The following AP2B1 variants were observed in gnomAD, a reference collection of about 807,000 sequenced individuals.
AP2B1 encodes adaptor related protein complex 2 subunit beta 1, also known as AP-2 complex subunit beta.
AP2B1 carries 23 observed loss-of-function variants against 102.0 expected under a neutral mutation model. The ratio of observed to expected loss-of-function variants is 0.23; its 90% confidence interval spans 0.16 to 0.32. The LOEUF is 0.32. AP2B1 is among the 10% of genes least tolerant of loss of function. The pLI is 1.00. For synonymous variants in AP2B1, 381 were observed against 421.2 expected, an observed-to-expected ratio of 0.90 and a Z score of 1.17; for missense variants, 541 against 1,157.4, an observed-to-expected ratio of 0.47 and a Z score of 7.73.
At chr17:35,639,916 A>G (rs57391371) in intron 11 of AP2B1, among the ~76,000 whole-genome samples, 156 bp downstream of exon 11, 6,785 of 151,974 alleles carry the variant, frequency 0.045, 182 homozygotes, top group African/African-American at 0.07. Context: ...AGTTTTACTA[A>G]TTTTTTGTTT....
intron 14 of AP2B1, among the ~76,000 whole-genome samples, chr17:35,666,631 C>A (rs1268099238): frequency 6.6e-6 from 1 of 152,178 alleles, no homozygotes. Context: ...TGAGTGGACA[C>A]CTCCAAGAGA....
chr17:35,706,241 A>C (rs1040223174), intron 18 of AP2B1, among the ~76,000 whole-genome samples: 1 of 150,998 alleles, frequency 6.6e-6, no homozygotes, highest in African/African-American at 2.4e-5. Flanking sequence ...ACAGTTTAGC[A>C]CCACTTACCT....
At chr17:35,671,953 G>A (rs1172716285) in intron 16 of AP2B1, 53 bp downstream of exon 16, 1 of 1,577,872 alleles carries the variant, frequency 6.3e-7, no homozygotes, top group Non-Finnish European at 8.7e-7. Flanking sequence ...GACCCAAACT[G>A]TTTCACTTTC....
intron 6 of AP2B1, among the ~76,000 whole-genome samples, chr17:35,625,578 G>A (rs911768333): frequency 1.3e-5 from 2 of 152,086 alleles, no homozygotes; most frequent in Admixed American, 1.3e-4. Context: ...GGATACAGCA[G>A]TGAACAAAGT....
chr17:35,651,995 T>G (rs935681969), intron 13 of AP2B1, among the ~76,000 whole-genome samples: 1 of 152,216 alleles, frequency 6.6e-6, no homozygotes, highest in Non-Finnish European at 1.5e-5. Flanking sequence ...CGTGTTTGTA[T>G]CTAGCCTCCT....
At chr17:35,682,147 T>C (rs1482424077) in intron 17 of AP2B1, among the ~76,000 whole-genome samples, 5 of 151,674 alleles carry the variant, frequency 3.3e-5, no homozygotes, top group Non-Finnish European at 7.4e-5. Context: ...CCCAGCTACC[T>C]GGGGGACTCA....
chr17:35,655,095 G>T (rs1384965554), intron 13 of AP2B1, among the ~76,000 whole-genome samples: 1 of 152,158 alleles, frequency 6.6e-6, no homozygotes, highest in East Asian at 1.9e-4. Context: ...TAGGCTGTCA[G>T]TGGATTATTC....
At chr17:35,692,607 C>T (rs1195545060) in intron 18 of AP2B1, among the ~76,000 whole-genome samples, 1 of 152,160 alleles carries the variant, frequency 6.6e-6, no homozygotes, top group East Asian at 1.9e-4. Flanking sequence ...ACCCTGCTCT[C>T]ATTCATGTTT....
intron 2 of AP2B1, chr17:35,596,771 A>C: frequency 1.7e-6 from 1 of 577,366 alleles, no homozygotes; most frequent in Non-Finnish European, 3.2e-6. Flanking sequence ...CAGCGCCCGC[A>C]GCTGCGCCCC....
At chr17:35,608,107 G>A (rs1567797309) in intron 4 of AP2B1, 35 bp from the exon 5 acceptor site, 1 of 1,610,120 alleles carries the variant, frequency 6.2e-7, no homozygotes, top group East Asian at 2.2e-5. Flanking sequence ...TAGCCACCAT[G>A]TATACCTACA....
chr17:35,621,450 A>C, intron 5 of AP2B1: 1 of 623,524 alleles, frequency 1.6e-6, no homozygotes, highest in Non-Finnish European at 2.0e-6. Context: ...GATGGAAGGA[A>C]CTTCAAGAAA....
intron 14 of AP2B1, among the ~76,000 whole-genome samples, chr17:35,661,115 G>A (rs2075349102): frequency 6.6e-6 from 1 of 152,066 alleles, no homozygotes; most frequent in Non-Finnish European, 1.5e-5. Flanking sequence ...GAGGCCAGTG[G>A]TGTACTGCTA....
chr17:35,621,394 G>A (rs151018764), intron 5 of AP2B1: 3 of 942,692 alleles, frequency 3.2e-6, no homozygotes, highest in Non-Finnish European at 2.5e-6. Flanking sequence ...TGCTAAAAAT[G>A]TAACAGTCTG....
chr17:35,648,558 A>G (rs2075002818), intron 12 of AP2B1, among the ~76,000 whole-genome samples: 1 of 151,836 alleles, frequency 6.6e-6, no homozygotes, highest in African/African-American at 2.4e-5. Flanking sequence ...ACATACATAC[A>G]TACAAATAAA....
chr17:35,652,460 GA>G (rs776465512), intron 13 of AP2B1, among the ~76,000 whole-genome samples: 13 of 152,092 alleles, frequency 8.5e-5, no homozygotes, highest in Non-Finnish European at 1.8e-4. Context: ...AATCATCTGG[GA>G]AAGAGAGAAG....
intron 18 of AP2B1, among the ~76,000 whole-genome samples, chr17:35,703,661 A>G (rs2076283693): frequency 1.3e-5 from 2 of 152,158 alleles, no homozygotes. Flanking sequence ...GGGGAATAGC[A>G]CACACTGGGG....
chr17:35,694,427 A>ATTTTT (rs1555581002), intron 18 of AP2B1, among the ~76,000 whole-genome samples: 10,130 of 114,174 alleles, frequency 0.089, 690 homozygotes, highest in East Asian at 0.17. Context: ...TTTTTTTTTA[A>ATTTTT]TTTTTTAATT....
At chr17:35,677,821 A>G (rs1312907219) in intron 17 of AP2B1, among the ~76,000 whole-genome samples, 1 of 151,390 alleles carries the variant, frequency 6.6e-6, no homozygotes, top group Non-Finnish European at 1.5e-5. Flanking sequence ...ACCTTTTGTC[A>G]GATTTAAGTA....
At chr17:35,690,875 A>G (rs760328297) in intron 18 of AP2B1, among the ~76,000 whole-genome samples, 9 of 152,236 alleles carry the variant, frequency 5.9e-5, no homozygotes, top group African/African-American at 1.9e-4. Flanking sequence ...GCCTCTGCCT[A>G]GAGGTCTGAT....
Sources: gnomAD v4.1 joint callset for allele counts (sites outside exome capture counted in the v4.1 genomes callset) on GRCh38, gnomAD v4.1.1 for gene constraint, MANE v1.5 for transcripts, NCBI Gene and HGNC (gene_info 2026-07-23, HGNC 2026-07-21) for gene names.